The following VSTM1 variants were observed in gnomAD, a reference collection of about 807,000 sequenced individuals.
VSTM1 encodes the protein V-set and transmembrane domain containing 1, also known as V-set and transmembrane domain-containing protein 1.
Under a neutral mutation model 33.1 loss-of-function variants are expected in VSTM1, and 27 were observed. That is an observed-to-expected ratio of 0.82 (90% confidence interval 0.60 to 1.12). The LOEUF (loss-of-function observed/expected upper bound fraction) is 1.12. Among genes scored for constraint, VSTM1 ranks in the 50% most tolerant of loss-of-function variants. The pLI, the probability that VSTM1 is intolerant of heterozygous loss-of-function variation, is 0.00. For synonymous variants in VSTM1, 115 were observed against 110.3 expected, an observed-to-expected ratio of 1.04 and a Z score of -0.27; for missense variants, 304 against 288.9, an observed-to-expected ratio of 1.05 and a Z score of -0.38.
rs1203522841 is a variant in VSTM1, at chr19:54,042,806, GTATATATATATATATATA to G, written c.395-455_395-438del. 1.6e-3 allele frequency among the ~76,000 whole-genome samples: 90 copies of G among 57,950 alleles called. 2 individuals carry two copies. In the South Asian group the frequency reaches 0.032, roughly 21 times the overall value. The allele number at this position is 57,950 out of a possible 152,430, so 38.0% of individuals were successfully genotyped here. A position where few individuals can be genotyped will look rare whatever the true frequency, so the allele number is the denominator to read the frequency against. ...TATATGTGTGTGTATATATAAATGT[GTATATATATATATATATA>G]TATATATATATATACATATATATAT... is the stretch of plus-strand genomic sequence containing the variant. On this transcript the variant is annotated intron_variant, in intron 4 of 8. Coordinates refer to ENST00000338372, the MANE Select transcript of VSTM1 (RefSeq NM_198481.4).
rs1555752372 is a variant in VSTM1, at chr19:54,042,814, A to ATATATG, written c.395-446_395-445insCATATA. On this transcript the variant is annotated intron_variant, in intron 4 of 8. Coordinates refer to ENST00000338372, the MANE Select transcript of VSTM1 (RefSeq NM_198481.4). ...TGTGTATATATAAATGTGTATATAT[A>ATATATG]TATATATATATATATATATATATAC... 7.8e-3 allele frequency among the ~76,000 whole-genome samples: 337 copies of ATATATG among 43,476 alleles called. 2 individuals are homozygous for ATATATG. Among genetic ancestry groups the ATATATG allele is most frequent in the African/African-American group, 0.023 (324 of 13,934 alleles). The allele number at this position is 43,476 out of a possible 152,430, so 28.5% of individuals were successfully genotyped here.
intron 1 of VSTM1, among the ~76,000 whole-genome samples, chr19:54,062,668 G>C (rs554261680): frequency 6.7e-6 from 1 of 149,516 alleles, no homozygotes; most frequent in East Asian, 2.0e-4. Context: ...AGGTTGCAGT[G>C]AGCTGAGATC....
At chr19:54,041,743 G>A in intron 8 of VSTM1, 36 bp downstream of exon 8, 1 of 1,608,182 alleles carries the variant, frequency 6.2e-7, no homozygotes, top group Non-Finnish European at 8.5e-7. Flanking sequence ...TTGTGGTGAG[G>A]GAGCTCTTGT....
At chr19:54,062,417 G>A (rs1230388119) in intron 1 of VSTM1, among the ~76,000 whole-genome samples, 7 of 151,992 alleles carry the variant, frequency 4.6e-5, no homozygotes, top group Non-Finnish European at 5.9e-5. Context: ...GTATGAACCC[G>A]ATAGTCATCT....
chr19:54,047,301 A>G (rs1024889941), intron 4 of VSTM1, among the ~76,000 whole-genome samples: 1 of 148,322 alleles, frequency 6.7e-6, no homozygotes, highest in Non-Finnish European at 1.5e-5. Flanking sequence ...AAAAGCAACA[A>G]TTTTTTTTTT....
intron 3 of VSTM1, among the ~76,000 whole-genome samples, chr19:54,052,126 C>T (rs139230157): frequency 0.055 from 8,354 of 151,800 alleles, 286 homozygotes; most frequent in East Asian, 0.11. Context: ...TGGCCGGGCG[C>T]AGTGGCTCAC....
rs1474221485 is a variant in VSTM1, at chr19:54,041,938, T to A, written c.531A>T (p.Lys177Asn). The A allele has an allele frequency of 6.2e-7, 1 of 1,613,904 alleles. No homozygotes were observed. Among genetic ancestry groups the A allele is most frequent in the East Asian group, 2.2e-5 (1 of 44,868 alleles). ...TACCGGCAGCCTCCTGCTCCGGAAGTTTGGAATGGCTGGTTCTGAAAGAGA... is the reference window on the plus strand; with the variant it reads ...TACCGGCAGCCTCCTGCTCCGGAAGATTGGAATGGCTGGTTCTGAAAGAGA... Reference protein sequence around the residue: ...EESTKRTSHSKLPEQEAAEAD... With the variant: ...EESTKRTSHSNLPEQEAAEAD... Residue 177 changes from lysine (K) to asparagine (N), a missense_variant, in exon 7 of 9, where the codon AAA becomes AAT. By Grantham distance (94) the Lys-to-Asn change is moderately conservative (BLOSUM62 0). Coordinates refer to ENST00000338372, the MANE Select transcript of VSTM1 (RefSeq NM_198481.4).
intron 8 of VSTM1, among the ~76,000 whole-genome samples, chr19:54,041,558 C>T (rs1380186922): frequency 1.3e-5 from 2 of 152,150 alleles, no homozygotes; most frequent in Admixed American, 1.3e-4. Flanking sequence ...GCCTCGGCCT[C>T]CCAAAGTGCT....
intron 4 of VSTM1, among the ~76,000 whole-genome samples, chr19:54,042,885 G>C (rs1226759969): frequency 4.5e-5 from 6 of 133,470 alleles, no homozygotes; most frequent in African/African-American, 8.3e-5. Flanking sequence ...AGATGGAGTC[G>C]TGTTCTGTCA....
chr19:54,057,614 A>G (rs1286466279), intron 3 of VSTM1, among the ~76,000 whole-genome samples: 1 of 151,726 alleles, frequency 6.6e-6, no homozygotes, highest in Non-Finnish European at 1.5e-5. Flanking sequence ...GTTCGAGATC[A>G]GCCTGGCCAA....
At position 54,057,372 on chromosome 19, in the gene VSTM1, A is replaced by G. The variant is rs376922890; in HGVS notation, c.355+934T>C. Among the ~76,000 whole-genome samples, 2 of 97,102 alleles carry G rather than the reference A, an allele frequency of 2.1e-5. 1 individual carries two copies. The highest frequency in any genetic ancestry group is 4.6e-5 in the Non-Finnish European group (2 of 43,138). The allele number at this position is 97,102 out of a possible 152,430, so 63.7% of individuals were successfully genotyped here. A position where few individuals can be genotyped will look rare whatever the true frequency, so the allele number is the denominator to read the frequency against. On this transcript the variant is annotated intron_variant, in intron 3 of 8. Transcript: ENST00000338372. ...TCAACAAGTAATTTAAAAATTAGCCAGGCATGGTGGTGCTTGCCTGTACTC... is the reference window on the plus strand; with the variant it reads ...TCAACAAGTAATTTAAAAATTAGCCGGGCATGGTGGTGCTTGCCTGTACTC...
At chr19:54,050,269 G>C (rs540196620) in intron 4 of VSTM1, among the ~76,000 whole-genome samples, 1 of 151,896 alleles carries the variant, frequency 6.6e-6, no homozygotes, top group African/African-American at 2.4e-5. Flanking sequence ...AAAGTGCTGG[G>C]ATTACAGATG....
intron 3 of VSTM1, among the ~76,000 whole-genome samples, chr19:54,055,011 G>A (rs886266091): frequency 1.4e-5 from 2 of 140,164 alleles, no homozygotes; most frequent in Non-Finnish European, 3.1e-5. Flanking sequence ...ATAGATGGAT[G>A]GGTGAGTAGA....
In VSTM1 at chr19:54,040,897, C is replaced by T. The variant is rs902456654; in HGVS notation, c.*64G>A. 6.4e-7 allele frequency: 1 copy of T among 1,566,172 alleles called. No individual in the cohort carries two copies. The highest frequency in any genetic ancestry group is 8.6e-7 in the Non-Finnish European group (1 of 1,160,326). On this transcript the variant is annotated 3_prime_UTR_variant, in exon 9 of 9. Transcript: ENST00000338372. ...CAAGGAAACACAGTATCTGCATCTC[C>T]AGATTTCCGATAACCTTGGCCAGCA...
intron 4 of VSTM1, among the ~76,000 whole-genome samples, chr19:54,048,834 A>G (rs2070716744): frequency 6.6e-6 from 1 of 152,186 alleles, no homozygotes; most frequent in African/African-American, 2.4e-5. Context: ...CTGTAATCCC[A>G]GCACTTTGGG....
chr19:54,060,712 A>T lies in VSTM1; in HGVS notation c.35-1980T>A, dbSNP rs555392540. On this transcript the variant is annotated intron_variant, in intron 1 of 8. Transcript: ENST00000338372. Reference sequence around the variant, plus strand: ...TCCTATATTCTTTTTTCTTTTTGAGACAGGGTCTCACTCTGTGGCCCAGGC... The same window carrying T: ...TCCTATATTCTTTTTTCTTTTTGAGTCAGGGTCTCACTCTGTGGCCCAGGC... Among the ~76,000 whole-genome samples the T allele has an allele frequency of 4.6e-5, 7 of 152,186 alleles. No homozygotes were observed. The South Asian group carries it at 1.5e-3, about 32-fold the overall frequency.
At chr19:54,061,006 TTTTTC>T (rs1170520558) in intron 1 of VSTM1, among the ~76,000 whole-genome samples, 65 of 142,396 alleles carry the variant, frequency 4.6e-4, no homozygotes, top group African/African-American at 1.5e-3. Context: ...TCCCATATTC[TTTTTC>T]TTTTCTTTTT....
chr19:54,042,350 GAC>G lies in VSTM1; in HGVS notation c.412_413del (p.Val138ArgfsTer29). The G allele has an allele frequency of 6.2e-7, 1 of 1,613,700 alleles. No individual in the cohort carries two copies. The highest frequency in any genetic ancestry group is 8.5e-7 in the Non-Finnish European group (1 of 1,179,860). ...SMKTDTRTIF[V>X]AIFSCISILL... ...GGATGGAGATGCAGCTGAAGATGGC[GAC>G]AAAGATGGTTCTGGTGTCTGGAGGG... On this transcript the variant is annotated frameshift_variant, in exon 5 of 9. Coordinates refer to ENST00000338372, the MANE Select transcript of VSTM1 (RefSeq NM_198481.4). LOFTEE classifies it high-confidence loss of function.
chr19:54,046,993 C>G (rs765224402), intron 4 of VSTM1, among the ~76,000 whole-genome samples: 1 of 152,002 alleles, frequency 6.6e-6, no homozygotes, highest in Non-Finnish European at 1.5e-5. Context: ...GTCAGGAGTT[C>G]GAGACCAGCC....
Sources: allele counts gnomAD v4.1 joint callset (sites outside exome capture counted in the v4.1 genomes callset), GRCh38; gene constraint gnomAD v4.1.1; transcripts MANE v1.5; gene names NCBI Gene and HGNC (gene_info 2026-07-23, HGNC 2026-07-21).